The following SLC44A5 variants were observed in gnomAD, a reference collection of about 807,000 sequenced individuals.
SLC44A5 encodes the protein choline transporter-like protein 5.
Under a neutral mutation model 101.8 loss-of-function variants are expected in SLC44A5, and 57 were observed. The observed-to-expected ratio is 0.56, with a 90% CI of 0.45 to 0.70. SLC44A5 has a LOEUF of 0.70. SLC44A5 is among the 30% of genes least tolerant of loss of function. The pLI is 0.00. For missense variants in SLC44A5, 737 were observed against 853.1 expected (o/e 0.86, Z 1.70); for synonymous variants, 281 against 290.9 (o/e 0.97, Z 0.35).
intron 4 of SLC44A5, among the ~76,000 whole-genome samples, chr1:75,331,292 C>T (rs1047214419): frequency 1.3e-5 from 2 of 152,160 alleles, no homozygotes; most frequent in African/African-American, 4.8e-5. Flanking sequence ...ACAGGCAAAA[C>T]AGAAGTCTTA....
At chr1:75,560,818 C>A (rs1192468358) in intron 1 of SLC44A5, among the ~76,000 whole-genome samples, 2 of 152,100 alleles carry the variant, frequency 1.3e-5, no homozygotes, top group Admixed American at 1.3e-4. Flanking sequence ...ACTATATCTG[C>A]AAATCAGTTG....
chr1:75,265,965 T>G (rs1032971985), intron 6 of SLC44A5, among the ~76,000 whole-genome samples: 1 of 152,158 alleles, frequency 6.6e-6, no homozygotes, highest in Non-Finnish European at 1.5e-5. Flanking sequence ...TGAGCAACTT[T>G]CCCAGAGCTC....
chr1:75,321,462 G>A (rs1046836898), intron 4 of SLC44A5, among the ~76,000 whole-genome samples: 1 of 145,742 alleles, frequency 6.9e-6, no homozygotes, highest in Non-Finnish European at 1.5e-5. Flanking sequence ...GAGAGAGAGA[G>A]AGAGAGAGAG....
chr1:75,687,623 A>T, the SLC44A5 span, among the ~76,000 whole-genome samples: 1 of 152,156 alleles, frequency 6.6e-6, no homozygotes, highest in Non-Finnish European at 1.5e-5. Flanking sequence ...AATCTTTATG[A>T]ATATTTCACC....
At chr1:75,312,436 G>C (rs1655378782) in intron 4 of SLC44A5, among the ~76,000 whole-genome samples, 1 of 152,082 alleles carries the variant, frequency 6.6e-6, no homozygotes, top group Admixed American at 6.5e-5. Context: ...TCTGAGAGGT[G>C]AGATCTTTGA....
intron 20 of SLC44A5, among the ~76,000 whole-genome samples, chr1:75,214,244 A>G (rs1646917176): frequency 6.6e-6 from 1 of 151,978 alleles, no homozygotes; most frequent in Non-Finnish European, 1.5e-5. Flanking sequence ...TTTGAAGCCT[A>G]TAGACACCCT....
chr1:75,698,221 C>G, the SLC44A5 span, among the ~76,000 whole-genome samples: 1 of 152,236 alleles, frequency 6.6e-6, no homozygotes, highest in Non-Finnish European at 1.5e-5. Context: ...AACAAAAACA[C>G]AGCAGTAACC....
At chr1:75,478,730 A>G (rs1288145277) in intron 2 of SLC44A5, among the ~76,000 whole-genome samples, 1 of 152,226 alleles carries the variant, frequency 6.6e-6, no homozygotes, top group Non-Finnish European at 1.5e-5. Flanking sequence ...CACCCAATAC[A>G]GGAGCCCCCA....
chr1:75,717,034 C>CA, the SLC44A5 span, among the ~76,000 whole-genome samples: 1,016 of 144,542 alleles, frequency 7.0e-3, 16 homozygotes, highest in Admixed American at 0.038. Flanking sequence ...ACTCCATCTC[C>CA]AAAAAAAAAT....
chr1:75,584,140 G>A (rs887249865), intron 1 of SLC44A5, among the ~76,000 whole-genome samples: 1 of 152,224 alleles, frequency 6.6e-6, no homozygotes, highest in Non-Finnish European at 1.5e-5. Context: ...GAGATCCAAA[G>A]TAAAGGGCTT....
intron 3 of SLC44A5, among the ~76,000 whole-genome samples, chr1:75,388,885 T>A (rs1321600278): frequency 2.0e-5 from 3 of 151,752 alleles, no homozygotes; most frequent in Non-Finnish European, 4.4e-5. Context: ...ATTTTTCTTT[T>A]AAAAAAAAGA....
chr1:75,676,311 G>T, the SLC44A5 span, among the ~76,000 whole-genome samples: 1 of 152,142 alleles, frequency 6.6e-6, no homozygotes, highest in African/African-American at 2.4e-5. Flanking sequence ...GCCCATCAAT[G>T]ATAGACTCAA....
chr1:75,329,869 G>T (rs971539964), intron 4 of SLC44A5, among the ~76,000 whole-genome samples: 32 of 151,826 alleles, frequency 2.1e-4, no homozygotes, highest in Admixed American at 4.6e-4. Context: ...TACCTCCTTT[G>T]CCAATATGAT....
At chr1:75,469,469 A>T (rs1222533126) in intron 2 of SLC44A5, among the ~76,000 whole-genome samples, 1 of 152,188 alleles carries the variant, frequency 6.6e-6, no homozygotes, top group Non-Finnish European at 1.5e-5. Context: ...CCCAGAAAAA[A>T]AAAAGTGTAG....
At position 75,331,848 on chromosome 1, in the gene SLC44A5, G is replaced by A. The variant is rs919817654; in HGVS notation, c.101+7734C>T. 2.6e-5 allele frequency among the ~76,000 whole-genome samples: 4 copies of A among 152,008 alleles called. 1 individual carries two copies. The highest frequency in any genetic ancestry group is 2.6e-4 in the Admixed American group (4 of 15,238). ...CATGTTATATCCTCAGACTCTGCCT[G>A]ACTTACTCCTCTTATCATTCAAGTC... On this transcript the variant is annotated intron_variant, in intron 4 of 23. Coordinates refer to ENST00000370859, the MANE Select transcript of SLC44A5 (RefSeq NM_001130058.2).
intron 2 of SLC44A5, among the ~76,000 whole-genome samples, chr1:75,445,313 A>T (rs1665490697): frequency 6.6e-6 from 1 of 151,936 alleles, no homozygotes; most frequent in African/African-American, 2.4e-5. Context: ...GTCTTCTGCC[A>T]TGAGTAAAGG....
chr1:75,215,854 G>A lies in SLC44A5; in HGVS notation c.1628C>T (p.Thr543Ile), dbSNP rs189383971. Residue 543 changes from threonine to isoleucine, a missense_variant, in exon 19 of 24, where the codon ACC becomes ATC. By Grantham distance (89) the Thr-to-Ile change is moderately conservative. Coordinates refer to ENST00000370859, the MANE Select transcript of SLC44A5 (RefSeq NM_001130058.2). ...LEYLDHRLKR[T>I]QNTLSKFLQC... ...TAGGAATTTAGACAATGTGTTCTGG[G>A]TACCTATGAGAAGGAGATATTTAAA... 2.0e-6 allele frequency: 3 copies of A among 1,537,886 alleles called. No individual in the cohort carries two copies. The highest frequency in any genetic ancestry group is 2.7e-5 in the African/African-American group (2 of 73,322).
intron 1 of SLC44A5, among the ~76,000 whole-genome samples, chr1:75,552,870 A>G (rs1479362264): frequency 7.1e-6 from 1 of 140,902 alleles, no homozygotes; most frequent in African/African-American, 2.7e-5. Context: ...TGTGGCTACA[A>G]AACAATTATA....
chr1:75,451,472 G>A (rs1665905324), intron 2 of SLC44A5, among the ~76,000 whole-genome samples: 1 of 151,806 alleles, frequency 6.6e-6, no homozygotes, highest in Non-Finnish European at 1.5e-5. Flanking sequence ...CCCTAGGAAG[G>A]GAAGGGATAG....
Sources: allele counts gnomAD v4.1 joint callset (sites outside exome capture counted in the v4.1 genomes callset), GRCh38; gene constraint gnomAD v4.1.1; transcripts MANE v1.5; gene names NCBI Gene and HGNC (gene_info 2026-07-23, HGNC 2026-07-21).